Variants in GALNT17 observed in about 807,000 individuals in gnomAD.
The protein encoded by GALNT17 is polypeptide N-acetylgalactosaminyltransferase 17, also known as UDP-GalNAc:polypeptide N-acetylgalactosaminyltransferase-like 3.
Under a neutral mutation model 63.7 loss-of-function variants are expected in GALNT17, and 29 were observed. That is an observed-to-expected ratio of 0.46 (90% CI 0.34 to 0.62). The LOEUF (loss-of-function observed/expected upper bound fraction) is 0.62, where lower values mean the gene tolerates loss of function less well. Among genes scored for constraint, GALNT17 ranks in the 20% least tolerant of loss-of-function variants. GALNT17 has a pLI of 0.01. For synonymous variants in GALNT17, 305 were observed against 318.3 expected (o/e 0.96, Z 0.45); for missense variants, 603 against 799.6 (o/e 0.75, Z 2.97).
chr7:71,443,868 G>T (rs758596712), intron 5 of GALNT17, among the ~76,000 whole-genome samples: 5 of 152,086 alleles, frequency 3.3e-5, no homozygotes, highest in African/African-American at 7.2e-5. Flanking sequence ...GGGACTACAG[G>T]CGCCTGCCAC....
chr7:71,497,341 G>A (rs780689972), intron 5 of GALNT17, among the ~76,000 whole-genome samples: 1 of 152,168 alleles, frequency 6.6e-6, no homozygotes, highest in African/African-American at 2.4e-5. Context: ...CCAGAAATCC[G>A]AGATGAGCAT....
At chr7:71,304,894 C>T (rs531646926) in intron 1 of GALNT17, among the ~76,000 whole-genome samples, 12 of 152,148 alleles carry the variant, frequency 7.9e-5, no homozygotes, top group African/African-American at 1.4e-4. Context: ...CAGGTGCCCG[C>T]CACCATGCCT....
intron 6 of GALNT17, among the ~76,000 whole-genome samples, chr7:71,641,523 C>T (rs1184668074): frequency 3.9e-5 from 6 of 152,022 alleles, no homozygotes; most frequent in Admixed American, 2.6e-4. Flanking sequence ...CTTTCTGGCT[C>T]CTAGACAGTG....
At chr7:71,379,249 C>G (rs1029567751) in intron 2 of GALNT17, among the ~76,000 whole-genome samples, 1 of 151,970 alleles carries the variant, frequency 6.6e-6, no homozygotes, top group South Asian at 2.1e-4. Context: ...ATTCTCAGTT[C>G]TAGGAAATAA....
intron 5 of GALNT17, among the ~76,000 whole-genome samples, chr7:71,503,995 G>A (rs1164794781): frequency 1.3e-5 from 2 of 152,206 alleles, no homozygotes; most frequent in East Asian, 1.9e-4. Context: ...TTGGGAGGCC[G>A]AGGCGGGCGG....
intron 1 of GALNT17, among the ~76,000 whole-genome samples, chr7:71,229,811 A>G (rs1348984163): frequency 6.6e-6 from 1 of 152,212 alleles, no homozygotes; most frequent in Non-Finnish European, 1.5e-5. Flanking sequence ...GATGTCTGTG[A>G]CAAGCTGTGC....
rs368749947 is a variant in GALNT17, at chr7:71,677,341, A to G, written c.1500+35A>G. On this transcript the variant is annotated intron_variant, in intron 9 of 10. Transcript: ENST00000333538. Reference sequence around the variant, plus strand: ...CGTCTCTGACCAGGAAGGAAGTAATATCACCATCTCCGACCCACAGAGGCC... The same window carrying G: ...CGTCTCTGACCAGGAAGGAAGTAATGTCACCATCTCCGACCCACAGAGGCC... 1,106 of 1,597,036 alleles carry G rather than the reference A, an allele frequency of 6.9e-4. 3 individuals carry two copies. Among genetic ancestry groups the G allele is most frequent in the Non-Finnish European group, 8.3e-4 (972 of 1,167,986 alleles).
At chr7:71,558,345 A>G (rs1789199138) in intron 5 of GALNT17, among the ~76,000 whole-genome samples, 1 of 152,090 alleles carries the variant, frequency 6.6e-6, no homozygotes, top group South Asian at 2.1e-4. Context: ...TGGGTCTACT[A>G]ATGAGAACAT....
At chr7:71,678,974 A>AG (rs900451697) in intron 9 of GALNT17, among the ~76,000 whole-genome samples, 2 of 150,474 alleles carry the variant, frequency 1.3e-5, no homozygotes, top group Non-Finnish European at 3.0e-5. Context: ...AAAAAAAAAA[A>AG]GTCAAATGCG....
intron 1 of GALNT17, among the ~76,000 whole-genome samples, chr7:71,273,643 T>C (rs754945564): frequency 2.0e-5 from 3 of 152,228 alleles, no homozygotes; most frequent in Non-Finnish European, 4.4e-5. Context: ...AGAGTTTGTA[T>C]GAAACAATGT....
intron 5 of GALNT17, among the ~76,000 whole-genome samples, chr7:71,526,601 C>T (rs1788628736): frequency 6.6e-6 from 1 of 152,114 alleles, no homozygotes; most frequent in South Asian, 2.1e-4. Flanking sequence ...CACACTGCAA[C>T]CTTTGCCTCC....
At chr7:71,176,983 C>G (rs1201981462) in intron 1 of GALNT17, among the ~76,000 whole-genome samples, 1 of 152,168 alleles carries the variant, frequency 6.6e-6, no homozygotes, top group Non-Finnish European at 1.5e-5. Flanking sequence ...CATGCTCATG[C>G]TAAGCTGTGA....
intron 1 of GALNT17, among the ~76,000 whole-genome samples, chr7:71,230,078 G>A (rs1299790025): frequency 6.6e-6 from 1 of 152,158 alleles, no homozygotes; most frequent in Non-Finnish European, 1.5e-5. Context: ...AGGGGTGAGA[G>A]GATGGAGGGG....
intron 3 of GALNT17, among the ~76,000 whole-genome samples, chr7:71,402,587 A>C (rs1793259306): frequency 6.6e-6 from 1 of 152,126 alleles, no homozygotes; most frequent in South Asian, 2.1e-4. Flanking sequence ...GATGATTTGG[A>C]CAGTTGTACA....
chr7:71,428,113 A>G (rs1167570373), intron 5 of GALNT17, among the ~76,000 whole-genome samples: 1 of 152,126 alleles, frequency 6.6e-6, no homozygotes, highest in Non-Finnish European at 1.5e-5. Context: ...AAATTTTACC[A>G]TTTTATCCAT....
intron 5 of GALNT17, among the ~76,000 whole-genome samples, chr7:71,492,774 G>C (rs1014495793): frequency 5.3e-5 from 8 of 152,196 alleles, no homozygotes; most frequent in African/African-American, 1.7e-4. Flanking sequence ...ACGTATCGCT[G>C]TTCTCCATCA....
intron 6 of GALNT17, among the ~76,000 whole-genome samples, chr7:71,646,994 C>T (rs184709319): frequency 4.6e-5 from 7 of 152,048 alleles, no homozygotes; most frequent in African/African-American, 1.7e-4. Context: ...GATCCACCCA[C>T]CTCAGCCTCC....
chr7:71,596,312 A>G (rs540521304), intron 6 of GALNT17, among the ~76,000 whole-genome samples: 1 of 152,110 alleles, frequency 6.6e-6, no homozygotes, highest in African/African-American at 2.4e-5. Flanking sequence ...TGCTGGGATT[A>G]CAGGCGTGAG....
intron 1 of GALNT17, among the ~76,000 whole-genome samples, chr7:71,210,652 T>C (rs1243104854): frequency 6.6e-6 from 1 of 152,244 alleles, no homozygotes; most frequent in Non-Finnish European, 1.5e-5. Flanking sequence ...TTCATCACTT[T>C]TAGTGACAGT....
Sources: allele counts gnomAD v4.1 joint callset (sites outside exome capture counted in the v4.1 genomes callset), GRCh38; gene constraint gnomAD v4.1.1; transcripts MANE v1.5; gene names NCBI Gene and HGNC (gene_info 2026-07-23, HGNC 2026-07-21).